The following CPNE2 variants were observed in gnomAD, a reference collection of about 807,000 sequenced individuals.
The protein encoded by CPNE2 is copine-2.
In CPNE2, 42 loss-of-function variants were observed where a neutral mutation model predicts 69.7. That is an observed-to-expected ratio of 0.60 (90% CI 0.47 to 0.78). CPNE2 has a LOEUF of 0.78. Ranked by LOEUF, CPNE2 falls within the 30% of genes least tolerant of loss-of-function variation. The pLI is 0.00. For synonymous variants in CPNE2, 294 were observed against 289.8 expected, an observed-to-expected ratio of 1.01 and a Z score of -0.15; for missense variants, 587 against 732.0, an observed-to-expected ratio of 0.80 and a Z score of 2.29.
intron 3 of CPNE2, 76 bp from the exon 4 acceptor site, chr16:57,115,400 G>A (rs2069711408): frequency 8.2e-7 from 1 of 1,213,180 alleles, no homozygotes; most frequent in Non-Finnish European, 1.2e-6. Context: ...GGATTTTTCC[G>A]GTGCCGGTGG....
At chr16:57,122,654 G>A (rs531022624) in intron 9 of CPNE2, among the ~76,000 whole-genome samples, 6 of 152,230 alleles carry the variant, frequency 3.9e-5, no homozygotes, top group Non-Finnish European at 5.9e-5. Context: ...GTGCAGTGGC[G>A]TGATCTCAGC....
chr16:57,108,008 C>A (rs958037800), intron 1 of CPNE2, among the ~76,000 whole-genome samples: 2 of 151,912 alleles, frequency 1.3e-5, no homozygotes, highest in African/African-American at 2.4e-5. Flanking sequence ...GTAGCTGGGA[C>A]TACAGGTGCA....
chr16:57,131,606 GC>G (rs2145271176), intron 12 of CPNE2, among the ~76,000 whole-genome samples: 1 of 152,356 alleles, frequency 6.6e-6, no homozygotes, highest in South Asian at 2.1e-4. Context: ...TGCTGGGGAG[GC>G]CAGGGCTTGG....
At chr16:57,109,112 A>T (rs1216927373) in intron 1 of CPNE2, among the ~76,000 whole-genome samples, 1 of 152,142 alleles carries the variant, frequency 6.6e-6, no homozygotes, top group Non-Finnish European at 1.5e-5. Context: ...ACCCCAAGAG[A>T]GGGTTCTTGG....
At chr16:57,109,170 A>G (rs945528719) in intron 1 of CPNE2, among the ~76,000 whole-genome samples, 9 of 152,070 alleles carry the variant, frequency 5.9e-5, no homozygotes, top group Non-Finnish European at 2.9e-5. Flanking sequence ...GTGAAAGCAA[A>G]TTTATTAAGA....
intron 15 of CPNE2, chr16:57,147,170 G>C (rs1239976822): frequency 1.2e-5 from 2 of 171,976 alleles, no homozygotes; most frequent in African/African-American, 4.7e-5. Context: ...CATGTGCCTG[G>C]CCTGTGGCTG....
In CPNE2 at chr16:57,110,767, G is replaced by A. The variant is rs2069676048; in HGVS notation, c.25G>A (p.Ala9Thr). The change falls in exon 2 of 16, where the codon GCC becomes ACC. Residue 9 changes from alanine to threonine, a missense_variant. Coordinates refer to ENST00000290776, the MANE Select transcript of CPNE2 (RefSeq NM_152727.6). ...CATGGCCCACATACCCAGTGGGGGT[G>A]CCCCAGCAGCGGGGGCAGCCCCCAT... is the stretch of plus-strand genomic sequence containing the variant. Reference protein sequence around the residue: MAHIPSGGAPAAGAAPMGP... With the variant: MAHIPSGGTPAAGAAPMGP... 1 of 1,612,488 alleles carries A rather than the reference G, an allele frequency of 6.2e-7. No homozygotes were observed. The highest frequency in any genetic ancestry group is 1.3e-5 in the African/African-American group (1 of 74,980).
rs1009978606 is a variant in CPNE2, at chr16:57,137,157, G to A, written c.1177G>A (p.Gly393Ser). The A allele has an allele frequency of 6.2e-7, 1 of 1,614,092 alleles. No homozygotes were observed. Among genetic ancestry groups the A allele is most frequent in the African/African-American group, 1.3e-5 (1 of 75,054 alleles). ...PTNPFCSGVDGIAQAYSACLP... is the reference protein window; with the variant it reads ...PTNPFCSGVDSIAQAYSACLP... Reference sequence around the variant, plus strand: ...CTCTTCTCCCGAGGCAGGTGTGGATGGTATTGCCCAGGCGTACTCAGCTTG... The same window carrying A: ...CTCTTCTCCCGAGGCAGGTGTGGATAGTATTGCCCAGGCGTACTCAGCTTG... The change falls in exon 14 of 16, where the codon GGT (glycine) becomes AGT (serine). Residue 393 changes from glycine (G) to serine (S), a missense_variant. Around this residue, in one of 5 missense-constraint regions of CPNE2, gnomAD observed 185 missense variants for 252.3 expected, o/e 0.73. Transcript: ENST00000290776.
chr16:57,118,946 C>T (rs1206440924), intron 5 of CPNE2, among the ~76,000 whole-genome samples: 1 of 151,980 alleles, frequency 6.6e-6, no homozygotes, highest in Non-Finnish European at 1.5e-5. Flanking sequence ...CTTGGAGGGT[C>T]TCTGAGCACA....
rs764953621 is a variant in CPNE2, at chr16:57,146,153, G to A, written c.1371G>A (p.Val457=). 1 of 1,590,198 alleles carries A rather than the reference G, an allele frequency of 6.3e-7. No individual in the cohort carries two copies. Among genetic ancestry groups the A allele is most frequent in the Non-Finnish European group, 8.6e-7 (1 of 1,167,478 alleles). The change falls in exon 15 of 16, where the codon GTG becomes GTA. Residue 457 remains valine, a synonymous_variant. Transcript: ENST00000290776. The surrounding 1 kb of genome is among the most constrained non-coding windows in gnomAD (Gnocchi z 4.4). Reference sequence around the variant, plus strand: ...ACATGGAGGAGACACGGCATGCCGTGGTGCAGGCTTCCAAGCTGCCCATGT... The same window carrying A: ...ACATGGAGGAGACACGGCATGCCGTAGTGCAGGCTTCCAAGCTGCCCATGT... ...ISDMEETRHA[V]VQASKLPMSI...
At chr16:57,097,572 G>A (rs766799343) in intron 1 of CPNE2, among the ~76,000 whole-genome samples, 8 of 152,188 alleles carry the variant, frequency 5.3e-5, no homozygotes, top group Admixed American at 6.5e-5. Context: ...TCCATTTCCT[G>A]TATGAAGAAA....
intron 1 of CPNE2, among the ~76,000 whole-genome samples, chr16:57,099,816 G>A (rs1342627085): frequency 1.6e-5 from 2 of 126,454 alleles, no homozygotes; most frequent in Non-Finnish European, 3.3e-5. Context: ...TTTTGCTGTT[G>A]CCAGGCTGGA....
intron 1 of CPNE2, among the ~76,000 whole-genome samples, chr16:57,097,717 C>T (rs1392597649): frequency 1.3e-5 from 2 of 152,192 alleles, no homozygotes; most frequent in Non-Finnish European, 2.9e-5. Flanking sequence ...TCACATCCTC[C>T]ACCTCCCCAG....
chr16:57,122,905 C>T (rs2069773387), intron 9 of CPNE2, among the ~76,000 whole-genome samples: 1 of 145,618 alleles, frequency 6.9e-6, no homozygotes, highest in Admixed American at 6.8e-5. Flanking sequence ...TTTCTTTTCT[C>T]TTTTTTTTTT....
chr16:57,107,331 G>A (rs1348948578), intron 1 of CPNE2, among the ~76,000 whole-genome samples: 1 of 152,220 alleles, frequency 6.6e-6, no homozygotes, highest in Non-Finnish European at 1.5e-5. Flanking sequence ...ACAAAGGCTG[G>A]GAGGGAGGGG....
Position 57,147,645 on chromosome 16 carries a change from C to T in CPNE2, c.1634C>T (p.Ser545Leu), listed in dbSNP as rs767681936. The change falls in exon 16 of 16, where the codon TCG becomes TTG. Residue 545 changes from serine (S) to leucine (L), a missense_variant. Around this residue, in one of 5 missense-constraint regions of CPNE2, gnomAD observed 185 missense variants for 252.3 expected, o/e 0.73. Coordinates refer to ENST00000290776, the MANE Select transcript of CPNE2 (RefSeq NM_152727.6). ...CATAAAAACCTGCCCCCCACCAACTCGGAGCCCGCCTGAGCTCCAGTGCCC... is the reference window on the plus strand; with the variant it reads ...CATAAAAACCTGCCCCCCACCAACTTGGAGCCCGCCTGAGCTCCAGTGCCC... ...FKHKNLPPTN[S>L]EPA The T allele has an allele frequency of 4.4e-6, 7 of 1,601,344 alleles. No individual in the cohort carries two copies. Among genetic ancestry groups the T allele is most frequent in the East Asian group, 4.5e-5 (2 of 44,502 alleles).
intron 10 of CPNE2, 91 bp downstream of exon 10, chr16:57,123,564 T>G: frequency 1.5e-6 from 2 of 1,378,542 alleles, no homozygotes; most frequent in Admixed American, 3.4e-5. Flanking sequence ...CAGAGGGACT[T>G]AGGGTAGACT....
At chr16:57,145,364 C>T (rs1436745491) in intron 14 of CPNE2, among the ~76,000 whole-genome samples, 5 of 152,218 alleles carry the variant, frequency 3.3e-5, no homozygotes, top group African/African-American at 9.7e-5. Flanking sequence ...TGAAAGGCCA[C>T]TGCAAACCAG....
intron 1 of CPNE2, chr16:57,106,099 C>G (rs1404245760): frequency 1.3e-5 from 2 of 154,036 alleles, no homozygotes; most frequent in African/African-American, 4.8e-5. Flanking sequence ...GAGGGACCCA[C>G]TCTTCCCCCC....
Sources: allele counts gnomAD v4.1 joint callset (sites outside exome capture counted in the v4.1 genomes callset), GRCh38; gene constraint gnomAD v4.1.1; regional missense constraint gnomAD v4.1.1; non-coding constraint Gnocchi (gnomAD v3.1); transcripts MANE v1.5; gene names NCBI Gene and HGNC (gene_info 2026-07-23, HGNC 2026-07-21).